Variants in ASH1L observed in about 807,000 individuals in gnomAD.
ASH1L encodes the protein histone-lysine N-methyltransferase ASH1L.
Under a neutral mutation model 269.0 loss-of-function variants are expected in ASH1L, and 23 were observed. That is an observed-to-expected ratio of 0.09 (90% CI 0.06 to 0.12). ASH1L has a LOEUF of 0.12. ASH1L is among the 10% of genes least tolerant of loss of function. The pLI is 1.00. For missense variants in ASH1L, 2,912 were observed against 3,567.8 expected, an observed-to-expected ratio of 0.82 and a Z score of 4.68; for synonymous variants, 1,187 against 1,253.5, an observed-to-expected ratio of 0.95 and a Z score of 1.12.
chr1:155,478,919 T>C lies in ASH1L; in HGVS notation c.3951A>G (p.Pro1317=), dbSNP rs1665760139. Residue 1317 remains proline (P), a synonymous_variant, in exon 3 of 28, where the codon CCA becomes CCG. Transcript: ENST00000392403. This position sits in a 1 kb window ranked among gnomAD's most constrained non-coding sequence, Gnocchi z 4.6. ...SHHFIPRDLL[P]TIFRINFNSF... The stretch of plus-strand genomic sequence containing the variant: ...TATTAAAGTTGATTCGAAAGATAGT[T>C]GGCAGAAGATCTCGGGGGATAAAAT... 6.2e-7 allele frequency: 1 copy of C among 1,613,850 alleles called. No individual in the cohort carries two copies. The highest frequency in any genetic ancestry group is 1.3e-5 in the African/African-American group (1 of 74,866).
intron 3 of ASH1L, among the ~76,000 whole-genome samples, chr1:155,463,122 A>C (rs1664426430): frequency 6.6e-6 from 1 of 152,204 alleles, no homozygotes; most frequent in African/African-American, 2.4e-5. Context: ...ATAAACGCCA[A>C]TTTGCAGTTG....
chr1:155,548,506 G>C (rs1440513721), intron 1 of ASH1L, among the ~76,000 whole-genome samples: 1 of 152,186 alleles, frequency 6.6e-6, no homozygotes, highest in Non-Finnish European at 1.5e-5. Context: ...CTAGGCAACA[G>C]AGCCAGACTC....
intron 1 of ASH1L, among the ~76,000 whole-genome samples, chr1:155,546,380 G>A (rs1447588652): frequency 4.6e-5 from 7 of 152,026 alleles, no homozygotes. Flanking sequence ...AAGGGGAAAG[G>A]GAGGTGAACA....
chr1:155,517,801 T>C (rs1428481391), intron 2 of ASH1L, among the ~76,000 whole-genome samples: 6 of 121,364 alleles, frequency 4.9e-5, no homozygotes, highest in Admixed American at 4.7e-4. Context: ...TTCTTTTTTT[T>C]TTTTTTTTTT....
At chr1:155,499,722 A>G (rs1339982298) in intron 2 of ASH1L, among the ~76,000 whole-genome samples, 1 of 152,216 alleles carries the variant, frequency 6.6e-6, no homozygotes, top group African/African-American at 2.4e-5. Context: ...AAATGAAATC[A>G]AAGATATGAG....
At chr1:155,484,403 G>A (rs777248549) in intron 2 of ASH1L, among the ~76,000 whole-genome samples, 3 of 152,072 alleles carry the variant, frequency 2.0e-5, no homozygotes, top group South Asian at 2.1e-4. Context: ...CAGGAGAATC[G>A]CTTGAACCTG....
intron 5 of ASH1L, among the ~76,000 whole-genome samples, chr1:155,430,276 T>C (rs1661503695): frequency 6.6e-6 from 1 of 152,138 alleles, no homozygotes; most frequent in East Asian, 1.9e-4. Context: ...TCATCTGGCC[T>C]GTTTATGTAT....
At chr1:155,347,003 AGT>A (rs1653400211) in intron 20 of ASH1L, among the ~76,000 whole-genome samples, 1 of 152,242 alleles carries the variant, frequency 6.6e-6, no homozygotes, top group South Asian at 2.1e-4. Flanking sequence ...CAATTAATAG[AGT>A]GTATTATCAC....
At chr1:155,508,765 C>G (rs1251360437) in intron 2 of ASH1L, among the ~76,000 whole-genome samples, 2 of 152,138 alleles carry the variant, frequency 1.3e-5, no homozygotes, top group African/African-American at 4.8e-5. Flanking sequence ...CTCAAACCAG[C>G]ATAAAATACG....
At chr1:155,514,076 A>G (rs972248082) in intron 2 of ASH1L, among the ~76,000 whole-genome samples, 5 of 152,228 alleles carry the variant, frequency 3.3e-5, no homozygotes. Context: ...TTCTACTTAT[A>G]TGTGGTAATT....
In ASH1L at chr1:155,551,029, C is replaced by A. The variant is rs1231501550; in HGVS notation, c.-100+11124G>T. On this transcript the variant is annotated intron_variant, in intron 1 of 27. Transcript: ENST00000392403. ...TAGAGACATGGTCTCACTATGTTGC[C>A]CAGGCGGTCTGGAACTCCTGGGCTC... is the stretch of plus-strand genomic sequence containing the variant. Among the ~76,000 whole-genome samples, 134 of 152,192 alleles carry A rather than the reference C, an allele frequency of 8.8e-4. 1 individual carries two copies. The highest frequency in any genetic ancestry group is 8.7e-3 in the Admixed American group (133 of 15,270).
chr1:155,539,468 G>T (rs548043641), intron 1 of ASH1L, among the ~76,000 whole-genome samples: 2 of 145,906 alleles, frequency 1.4e-5, no homozygotes, highest in Non-Finnish European at 3.0e-5. Context: ...TTTTGTTCTT[G>T]TTCTTTGAGA....
At chr1:155,434,332 T>C (rs1196482989) in intron 5 of ASH1L, 30 of 1,545,788 alleles carry the variant, frequency 1.9e-5, no homozygotes, top group Non-Finnish European at 2.6e-5. Flanking sequence ...CTGGAGTTTG[T>C]GCCAGGGCTT....
chr1:155,437,389 A>C (rs149436342), intron 5 of ASH1L, among the ~76,000 whole-genome samples: 7 of 152,310 alleles, frequency 4.6e-5, no homozygotes, highest in Admixed American at 4.6e-4. Context: ...TTAAAACTAC[A>C]ATGAGATACC....
chr1:155,553,371 T>C (rs761201545), intron 1 of ASH1L, among the ~76,000 whole-genome samples: 1 of 152,204 alleles, frequency 6.6e-6, no homozygotes, highest in Non-Finnish European at 1.5e-5. Context: ...ATAACAATAG[T>C]TTTTTGTCTA....
At chr1:155,365,905 T>C (rs773689972) in intron 12 of ASH1L, among the ~76,000 whole-genome samples, 1 of 152,334 alleles carries the variant, frequency 6.6e-6, no homozygotes, top group Non-Finnish European at 1.5e-5. Context: ...CTATTCAACC[T>C]GAAGAAATTA....
chr1:155,407,582 C>A (rs1453329314), intron 6 of ASH1L, among the ~76,000 whole-genome samples: 1 of 152,022 alleles, frequency 6.6e-6, no homozygotes, highest in Non-Finnish European at 1.5e-5. Context: ...TAATATCATA[C>A]AGCTATAAAA....
chr1:155,422,628 AC>A (rs1310936729), intron 5 of ASH1L, among the ~76,000 whole-genome samples: 1 of 142,476 alleles, frequency 7.0e-6, no homozygotes, highest in Non-Finnish European at 1.5e-5. Context: ...TTCTCCTTTT[AC>A]CTTGATTTTT....
chr1:155,536,446 G>A (rs1254676447), intron 1 of ASH1L, among the ~76,000 whole-genome samples: 3 of 152,136 alleles, frequency 2.0e-5, no homozygotes, highest in African/African-American at 7.2e-5. Context: ...CTAATAACTT[G>A]TTATCATCCT....
Sources: allele counts gnomAD v4.1 joint callset (sites outside exome capture counted in the v4.1 genomes callset), GRCh38; gene constraint gnomAD v4.1.1; non-coding constraint Gnocchi (gnomAD v3.1); transcripts MANE v1.5; gene names NCBI Gene and HGNC (gene_info 2026-07-23, HGNC 2026-07-21).